Variants in DTNBP1 observed in about 807,000 individuals in gnomAD.
DTNBP1 encodes the protein dystrobrevin binding protein 1.
In DTNBP1, 35 loss-of-function variants were observed where a neutral mutation model predicts 42.8. The ratio of observed to expected loss-of-function variants is 0.82; its 90% confidence interval spans 0.63 to 1.09. DTNBP1 has a LOEUF of 1.09. Ranked by LOEUF, DTNBP1 falls within the 50% of genes least tolerant of loss-of-function variation. The pLI is 0.00. For missense variants in DTNBP1, 457 were observed against 424.2 expected, an observed-to-expected ratio of 1.08 and a Z score of -0.68; for synonymous variants, 171 against 162.2, an observed-to-expected ratio of 1.05 and a Z score of -0.41.
Position 15,637,796 on chromosome 6 carries a change from T to A in DTNBP1, c.170A>T (p.Asp57Val). 6.2e-7 allele frequency: 1 copy of A among 1,613,124 alleles called. No individual in the cohort carries two copies. The highest frequency in any genetic ancestry group is 1.3e-5 in the African/African-American group (1 of 74,980). ...AGLELLSRYE[D>V]TWAALHRRAK... ...TCTTCTGTGAAGTGCAGCCCATGTA[T>A]CCTCATACCTAAAAAAAAGCAAAAA... is the stretch of plus-strand genomic sequence containing the variant. Residue 57 changes from aspartate (D) to valine (V), a missense_variant, in exon 4 of 10, where the codon GAT (aspartate) becomes GTT (valine). By Grantham distance (152) the Asp-to-Val change is radical (BLOSUM62 -3). Coordinates refer to ENST00000344537, the MANE Select transcript of DTNBP1 (RefSeq NM_032122.5).
chr6:15,582,978 A>G (rs1775903581), intron 7 of DTNBP1, among the ~76,000 whole-genome samples: 1 of 152,060 alleles, frequency 6.6e-6, no homozygotes, highest in African/African-American at 2.4e-5. Context: ...TCAAATGCTG[A>G]TTCATTTTAT....
intron 7 of DTNBP1, among the ~76,000 whole-genome samples, chr6:15,571,614 A>G (rs556279025): frequency 1.3e-4 from 20 of 152,330 alleles, no homozygotes; most frequent in Non-Finnish European, 2.5e-4. Flanking sequence ...AGGATGTCCA[A>G]TGCATTACCT....
intron 7 of DTNBP1, among the ~76,000 whole-genome samples, chr6:15,565,588 T>C (rs968424795): frequency 7.2e-5 from 11 of 152,188 alleles, no homozygotes; most frequent in African/African-American, 2.7e-4. Context: ...CAAAAGACTA[T>C]ACGTAACATA....
chr6:15,523,447 A>G, intron 9 of DTNBP1: 1 of 1,287,150 alleles, frequency 7.8e-7, no homozygotes, highest in Non-Finnish European at 1.0e-6. Flanking sequence ...GGAGTCAGCC[A>G]CATGTGACAC....
At chr6:15,652,448 C>G (rs1179930254) in intron 1 of DTNBP1, among the ~76,000 whole-genome samples, 1 of 152,032 alleles carries the variant, frequency 6.6e-6, no homozygotes, top group African/African-American at 2.4e-5. Context: ...TCCCAAAATG[C>G]TGGGATTACA....
At chr6:15,556,044 T>C (rs995567427) in intron 7 of DTNBP1, among the ~76,000 whole-genome samples, 1 of 152,100 alleles carries the variant, frequency 6.6e-6, no homozygotes, top group African/African-American at 2.4e-5. Flanking sequence ...AGAACAGAAT[T>C]GGGTTAGAGG....
At chr6:15,534,882 C>A (rs1252622077) in intron 7 of DTNBP1, among the ~76,000 whole-genome samples, 1 of 152,004 alleles carries the variant, frequency 6.6e-6, no homozygotes, top group East Asian at 1.9e-4. Flanking sequence ...GACCAGTGAC[C>A]CTTCAAGGTA....
At chr6:15,623,235 G>A (rs1396112224) in intron 5 of DTNBP1, among the ~76,000 whole-genome samples, 7 of 152,210 alleles carry the variant, frequency 4.6e-5, no homozygotes, top group Admixed American at 6.5e-5. Flanking sequence ...AAAACTGACA[G>A]AGCTATGATA....
chr6:15,548,888 CATG>C (rs1299414214), intron 7 of DTNBP1, among the ~76,000 whole-genome samples: 1 of 152,140 alleles, frequency 6.6e-6, no homozygotes, highest in African/African-American at 2.4e-5. Flanking sequence ...TTGTTTTAAT[CATG>C]AGAGAAAAAT....
At chr6:15,620,721 T>C (rs1758995773) in intron 5 of DTNBP1, among the ~76,000 whole-genome samples, 3 of 152,240 alleles carry the variant, frequency 2.0e-5, no homozygotes, top group South Asian at 2.1e-4. Flanking sequence ...CATTTAACTC[T>C]AAGCTACTTG....
Position 15,615,250 on chromosome 6 carries a change from A to C in DTNBP1, c.488+17T>G. ...TCGAGACTGGAATGAATACTGTGGCAAACTTTTCAAACTCACCTCTTATTT... is the reference window on the plus strand; with the variant it reads ...TCGAGACTGGAATGAATACTGTGGCCAACTTTTCAAACTCACCTCTTATTT... On this transcript the variant is annotated intron_variant, in intron 6 of 9. Transcript: ENST00000344537. 1 of 1,614,176 alleles carries C rather than the reference A, an allele frequency of 6.2e-7. No homozygotes were observed. The highest frequency in any genetic ancestry group is 8.5e-7 in the Non-Finnish European group (1 of 1,180,010).
intron 6 of DTNBP1, among the ~76,000 whole-genome samples, chr6:15,611,340 C>A (rs1287740933): frequency 2.0e-5 from 3 of 151,888 alleles, no homozygotes; most frequent in African/African-American, 7.3e-5. Context: ...AAAAAAAAAA[C>A]AAATTCCTTT....
At chr6:15,532,990 C>T (rs187892964) in intron 8 of DTNBP1, among the ~76,000 whole-genome samples, 140 of 152,136 alleles carry the variant, frequency 9.2e-4, no homozygotes, top group Non-Finnish European at 1.5e-3. Context: ...TGAGCCACCA[C>T]GCCTGGCTGT....
intron 7 of DTNBP1, among the ~76,000 whole-genome samples, chr6:15,566,971 G>A (rs577245877): frequency 1.3e-5 from 2 of 152,192 alleles, no homozygotes; most frequent in South Asian, 2.1e-4. Context: ...GTTTACAGGC[G>A]TGAGCCATTA....
chr6:15,554,634 A>G (rs562046483), intron 7 of DTNBP1, among the ~76,000 whole-genome samples: 34 of 152,296 alleles, frequency 2.2e-4, no homozygotes, highest in Non-Finnish European at 4.1e-4. Context: ...AATTGATGCT[A>G]AGCAGGGTGG....
intron 6 of DTNBP1, among the ~76,000 whole-genome samples, chr6:15,599,701 C>T (rs558038075): frequency 3.3e-5 from 5 of 152,220 alleles, no homozygotes; most frequent in South Asian, 2.1e-4. Context: ...GAAGACATGT[C>T]GTGGTTTTCA....
chr6:15,532,082 T>TG (rs1679398687), intron 8 of DTNBP1, among the ~76,000 whole-genome samples: 1 of 152,102 alleles, frequency 6.6e-6, no homozygotes, highest in East Asian at 1.9e-4. Context: ...GGCTGAGATT[T>TG]GGGGGGTGAG....
chr6:15,524,029 A>G (rs1231397494), intron 9 of DTNBP1: 1 of 1,290,310 alleles, frequency 7.8e-7, no homozygotes, highest in Non-Finnish European at 1.0e-6. Flanking sequence ...TGAATGTGAA[A>G]CAAAATTTTG....
intron 8 of DTNBP1, among the ~76,000 whole-genome samples, chr6:15,525,176 C>T (rs1489949208): frequency 6.6e-6 from 1 of 152,232 alleles, no homozygotes; most frequent in Non-Finnish European, 1.5e-5. Flanking sequence ...GCTGTAAGAG[C>T]TCCCTGCAGT....
Sources: gnomAD v4.1 joint callset for allele counts (sites outside exome capture counted in the v4.1 genomes callset) on GRCh38, gnomAD v4.1.1 for gene constraint, MANE v1.5 for transcripts, NCBI Gene and HGNC (gene_info 2026-07-23, HGNC 2026-07-21) for gene names.